Variants in CYFIP2 observed in about 807,000 individuals in gnomAD.
CYFIP2 encodes the protein cytoplasmic FMR1-interacting protein 2.
In CYFIP2, 29 loss-of-function variants were observed where a neutral mutation model predicts 158.7. That is an observed-to-expected ratio of 0.18 (90% CI 0.14 to 0.25). The LOEUF is 0.25. Ranked by LOEUF, CYFIP2 falls within the 10% of genes least tolerant of loss-of-function variation. The probability of loss-of-function intolerance (pLI) is 1.00; values close to 1 mark genes in which losing one functional copy is unlikely to be tolerated. For synonymous variants in CYFIP2, 585 were observed against 617.6 expected, an observed-to-expected ratio of 0.95 and a Z score of 0.78; for missense variants, 852 against 1,639.5, an observed-to-expected ratio of 0.52 and a Z score of 8.29.
chr5:157,322,830 C>G (rs1760712065), intron 15 of CYFIP2: 1 of 1,166,550 alleles, frequency 8.6e-7, no homozygotes. Context: ...GGCTTTCCCA[C>G]CGTATACAAT....
At chr5:157,385,190 C>T (rs1226958962) in intron 28 of CYFIP2, among the ~76,000 whole-genome samples, 1 of 152,206 alleles carries the variant, frequency 6.6e-6, no homozygotes, top group Non-Finnish European at 1.5e-5. Flanking sequence ...GCATGTGTTT[C>T]CACTTAGAGG....
At chr5:157,277,501 A>C (rs1756659309) in intron 1 of CYFIP2, among the ~76,000 whole-genome samples, 1 of 152,188 alleles carries the variant, frequency 6.6e-6, no homozygotes, top group South Asian at 2.1e-4. Flanking sequence ...TGTGTTCATG[A>C]ATTCTTTCAT....
chr5:157,309,882 C>G, intron 10 of CYFIP2, 48 bp downstream of exon 10: 1 of 1,535,766 alleles, frequency 6.5e-7, no homozygotes, highest in Admixed American at 2.0e-5. Flanking sequence ...GATGCCCAGC[C>G]CGGGCAGAGA....
intron 30 of CYFIP2, among the ~76,000 whole-genome samples, chr5:157,392,376 A>G (rs6876921): frequency 0.83 from 126,580 of 152,108 alleles, 53,194 homozygotes; most frequent in East Asian, 0.98. Flanking sequence ...TTACGTCTCT[A>G]ATCCATTCTG....
chr5:157,317,967 A>G (rs1425415441), intron 13 of CYFIP2, among the ~76,000 whole-genome samples: 1 of 152,096 alleles, frequency 6.6e-6, no homozygotes, highest in African/African-American at 2.4e-5. Flanking sequence ...ATTATTTATT[A>G]TCTTGGGAAT....
chr5:157,269,740 CCT>C (rs1406810865), intron 1 of CYFIP2, among the ~76,000 whole-genome samples: 1 of 152,128 alleles, frequency 6.6e-6, no homozygotes, highest in Non-Finnish European at 1.5e-5. Context: ...GGATCTGTGG[CCT>C]CTCTGTACTG....
In CYFIP2 at chr5:157,282,792, G is replaced by A. The variant is rs552588359; in HGVS notation, c.-23-2547G>A. Reference sequence around the variant, plus strand: ...GTAGTCAAACTTTTGGATTTGAGTCGATCTAATCAGTGAGAAATGGTGTAT... The same window carrying A: ...GTAGTCAAACTTTTGGATTTGAGTCAATCTAATCAGTGAGAAATGGTGTAT... On this transcript the variant is annotated intron_variant, in intron 1 of 30. Coordinates refer to ENST00000620254, the MANE Select transcript of CYFIP2 (RefSeq NM_001037333.3). Among the ~76,000 whole-genome samples, 10 of 152,256 alleles carry A rather than the reference G, an allele frequency of 6.6e-5. No homozygotes were observed. The South Asian group carries it at 1.9e-3, about 28-fold the overall frequency.
chr5:157,370,566 T>C (rs1307562127), intron 26 of CYFIP2, among the ~76,000 whole-genome samples: 1 of 152,212 alleles, frequency 6.6e-6, no homozygotes, highest in Non-Finnish European at 1.5e-5. Context: ...TGCTAACATG[T>C]GCTGGTTTCA....
Position 157,325,533 on chromosome 5 carries a change from T to A in CYFIP2, c.1877T>A (p.Phe626Tyr). 1 of 1,613,360 alleles carries A rather than the reference T, an allele frequency of 6.2e-7. No homozygotes were observed. The highest frequency in any genetic ancestry group is 8.5e-7 in the Non-Finnish European group (1 of 1,179,604). The stretch of plus-strand genomic sequence containing the variant: ...TCCCAGCTCTGGTTCCGAGAATTCT[T>A]CCTGGAGTTAACCATGGGCCGACGA... The part of the protein sequence containing the change: ...DLSQLWFREF[F>Y]LELTMGRRIQ... Residue 626 changes from phenylalanine (F) to tyrosine (Y), a missense_variant, in exon 17 of 31, where the codon TTC becomes TAC. Phe to Tyr is a conservative substitution (Grantham distance 22, BLOSUM62 3). This residue lies in a region of CYFIP2 where 167 missense variants were observed against 343.3 expected (regional missense o/e 0.49). Coordinates refer to ENST00000620254, the MANE Select transcript of CYFIP2 (RefSeq NM_001037333.3).
chr5:157,384,248 G>A, intron 28 of CYFIP2: 1 of 456,608 alleles, frequency 2.2e-6, no homozygotes, highest in Non-Finnish European at 4.4e-6. Context: ...GAGCAGGAAG[G>A]AAGAGAAATA....
chr5:157,281,317 C>A (rs1010363162), intron 1 of CYFIP2, among the ~76,000 whole-genome samples: 1 of 151,970 alleles, frequency 6.6e-6, no homozygotes, highest in Non-Finnish European at 1.5e-5. Flanking sequence ...GTGCCTAGAT[C>A]CATTTGTTTG....
intron 23 of CYFIP2, among the ~76,000 whole-genome samples, chr5:157,356,448 G>T (rs755090860): frequency 1.9e-4 from 29 of 152,192 alleles, no homozygotes; most frequent in Non-Finnish European, 4.3e-4. Flanking sequence ...ATTTGGAAGG[G>T]ACGCATTCAG....
chr5:157,321,652 GC>G (rs372445703), intron 15 of CYFIP2, among the ~76,000 whole-genome samples: 7 of 152,326 alleles, frequency 4.6e-5, no homozygotes, highest in African/African-American at 1.7e-4. Flanking sequence ...TGACCTTTAA[GC>G]CTCTCTCTGT....
intron 13 of CYFIP2, among the ~76,000 whole-genome samples, chr5:157,316,526 G>A (rs1760163430): frequency 1.3e-5 from 2 of 152,154 alleles, no homozygotes; most frequent in South Asian, 4.1e-4. Context: ...ATTGTGTTTT[G>A]TTTGATTACA....
chr5:157,334,466 A>G (rs1350248071), intron 21 of CYFIP2, among the ~76,000 whole-genome samples: 1 of 152,236 alleles, frequency 6.6e-6, no homozygotes, highest in African/African-American at 2.4e-5. Context: ...GAAATAGGAT[A>G]CTTGCATAGT....
At chr5:157,392,809 T>G (rs1191635971) in intron 30 of CYFIP2, 24 bp from the exon 31 acceptor site, 1 of 1,612,488 alleles carries the variant, frequency 6.2e-7, no homozygotes. Context: ...CTGCCCTAAC[T>G]TGAACATCCC....
intron 1 of CYFIP2, among the ~76,000 whole-genome samples, chr5:157,283,223 C>T (rs957662101): frequency 1.3e-5 from 2 of 152,122 alleles, no homozygotes; most frequent in Non-Finnish European, 2.9e-5. Flanking sequence ...ATAGTACCTA[C>T]CTTTATAGGG....
chr5:157,356,272 C>T (rs554351782), intron 23 of CYFIP2, among the ~76,000 whole-genome samples: 1 of 152,234 alleles, frequency 6.6e-6, no homozygotes, highest in African/African-American at 2.4e-5. Flanking sequence ...AGAGAGACAG[C>T]AAGCACTCTT....
chr5:157,293,883 A>G (rs1212267203), intron 3 of CYFIP2, among the ~76,000 whole-genome samples: 1 of 152,046 alleles, frequency 6.6e-6, no homozygotes, highest in Non-Finnish European at 1.5e-5. Flanking sequence ...ATGGGTGCTG[A>G]TTGATTGGGG....
Sources: gnomAD v4.1 joint callset for allele counts (sites outside exome capture counted in the v4.1 genomes callset) on GRCh38, gnomAD v4.1.1 for gene constraint, gnomAD v4.1.1 regional missense constraint, MANE v1.5 for transcripts, NCBI Gene and HGNC (gene_info 2026-07-23, HGNC 2026-07-21) for gene names.